TMEM120B: variants seen among roughly 807,000 people sequenced by gnomAD.
The protein encoded by TMEM120B is transmembrane protein 120B.
Under a neutral mutation model 55.5 loss-of-function variants are expected in TMEM120B, and 31 were observed. That is an observed-to-expected ratio of 0.56 (90% CI 0.42 to 0.75). TMEM120B has a LOEUF of 0.75. TMEM120B is among the 30% of genes least tolerant of loss of function. TMEM120B has a pLI of 0.00. For missense variants in TMEM120B, 399 were observed against 425.5 expected (o/e 0.94, Z 0.55); for synonymous variants, 203 against 176.3 (o/e 1.15, Z -1.20).
chr12:121,729,333 A>T (rs372076576), intron 1 of TMEM120B, among the ~76,000 whole-genome samples: 6 of 152,208 alleles, frequency 3.9e-5, no homozygotes, highest in African/African-American at 1.4e-4. Context: ...CTGATGTGCA[A>T]AGAGTAGCCA....
chr12:121,730,647 C>CA (rs71079088), intron 1 of TMEM120B, among the ~76,000 whole-genome samples: 17,329 of 94,308 alleles, frequency 0.18, 1,550 homozygotes, highest in East Asian at 0.31. Flanking sequence ...GAGACACAGT[C>CA]AAAAAAAAAA....
intron 6 of TMEM120B, among the ~76,000 whole-genome samples, chr12:121,767,222 G>A (rs929136206): frequency 1.7e-4 from 26 of 152,176 alleles, no homozygotes; most frequent in Non-Finnish European, 1.3e-4. Context: ...GTGCAGTGGT[G>A]CGATCTCGGC....
rs780997410 is a variant in TMEM120B, at chr12:121,775,687, C to G, written c.985C>G (p.Leu329Val). Residue 329 changes from leucine to valine, a missense_variant, in exon 12 of 12, where the codon CTC (leucine) becomes GTC (valine). Around this residue, in one of 3 missense-constraint regions of TMEM120B, gnomAD observed 260 missense variants for 303.9 expected, o/e 0.86. Transcript: ENST00000449592. This position sits in a 1 kb window ranked among gnomAD's most constrained non-coding sequence, Gnocchi z 4.3. The part of the protein sequence containing the change: ...LTTLKVVHAK[L>V]QKNRGKTKQP ...CACGCTCAAAGTCGTGCATGCCAAGCTCCAGAAGAACAGAGGCAAGACAAA... is the reference window on the plus strand; with the variant it reads ...CACGCTCAAAGTCGTGCATGCCAAGGTCCAGAAGAACAGAGGCAAGACAAA... The G allele has an allele frequency of 6.2e-7, 1 of 1,613,982 alleles. No homozygotes were observed. The highest frequency in any genetic ancestry group is 8.5e-7 in the Non-Finnish European group (1 of 1,180,002).
intron 5 of TMEM120B, among the ~76,000 whole-genome samples, chr12:121,761,441 A>C (rs1873673283): frequency 6.6e-6 from 1 of 152,176 alleles, no homozygotes; most frequent in African/African-American, 2.4e-5. Context: ...AGGGAGAAAG[A>C]TGAGGAGGTT....
At chr12:121,752,028 A>C (rs1873346533) in intron 4 of TMEM120B, 100 bp from the exon 5 acceptor site, 1 of 940,274 alleles carries the variant, frequency 1.1e-6, no homozygotes, top group East Asian at 2.4e-5. Flanking sequence ...GGGCCATGGC[A>C]GTGGCTGAAG....
At position 121,775,843 on chromosome 12, in the gene TMEM120B, G is replaced by C; in HGVS notation, c.*121G>C. On this transcript the variant is annotated 3_prime_UTR_variant, in exon 12 of 12. Transcript: ENST00000449592. The surrounding 1 kb of genome is among the most constrained non-coding windows in gnomAD (Gnocchi z 4.3). Reference sequence around the variant, plus strand: ...AGAGGGCCCAGGCCCTGGTCCCCCAGTGGACCCCAGTGGTCTAGAGGAATG... The same window carrying C: ...AGAGGGCCCAGGCCCTGGTCCCCCACTGGACCCCAGTGGTCTAGAGGAATG... The C allele has an allele frequency of 1.0e-6, 1 of 985,124 alleles. No homozygotes were observed. Among genetic ancestry groups the C allele is most frequent in the Non-Finnish European group, 1.6e-6 (1 of 640,514 alleles). The allele number at this position is 985,124 out of a possible 1,614,324, so 61.0% of individuals were successfully genotyped here.
At chr12:121,748,993 C>G (rs576999831) in intron 3 of TMEM120B, among the ~76,000 whole-genome samples, 1 of 152,324 alleles carries the variant, frequency 6.6e-6, no homozygotes, top group African/African-American at 2.4e-5. Flanking sequence ...CCACCTTGTT[C>G]TGGAGAGAGA....
At chr12:121,768,079 T>G (rs1294152709) in intron 6 of TMEM120B, among the ~76,000 whole-genome samples, 1 of 152,140 alleles carries the variant, frequency 6.6e-6, no homozygotes, top group Non-Finnish European at 1.5e-5. Flanking sequence ...CTGTCAGAAA[T>G]TTGGAGCCCA....
chr12:121,771,525 T>A lies in TMEM120B; in HGVS notation c.655T>A (p.Phe219Ile). The A allele has an allele frequency of 6.2e-7, 1 of 1,614,102 alleles. No homozygotes were observed. Among genetic ancestry groups the A allele is most frequent in the Non-Finnish European group, 8.5e-7 (1 of 1,180,010 alleles). Residue 219 changes from phenylalanine to isoleucine, a missense_variant, in exon 8 of 12, where the codon TTC becomes ATC. Around this residue, in one of 3 missense-constraint regions of TMEM120B, gnomAD observed 260 missense variants for 303.9 expected, o/e 0.86. Transcript: ENST00000449592. The stretch of plus-strand genomic sequence containing the variant: ...CATTTATCAGAAGTTTCGCAACCAG[T>A]TCTTAGCATTTTCCATTTTTCAGAG... ...GPIYQKFRNQ[F>I]LAFSIFQSCV...
intron 1 of TMEM120B, among the ~76,000 whole-genome samples, chr12:121,730,030 G>A (rs531940495): frequency 3.2e-4 from 48 of 152,208 alleles, no homozygotes; most frequent in African/African-American, 1.1e-3. Flanking sequence ...GGTGGCTGAG[G>A]TGGGCAGATC....
chr12:121,775,021 G>C lies in TMEM120B; in HGVS notation c.838-41G>C, dbSNP rs1282034865. On this transcript the variant is annotated intron_variant, in intron 10 of 11. Coordinates refer to ENST00000449592, the MANE Select transcript of TMEM120B (RefSeq NM_001080825.2). This position sits in a 1 kb window ranked among gnomAD's most constrained non-coding sequence, Gnocchi z 4.3. ...CCCTGGCTTTCTACGTGGCCGGCCAGGGGAGTCTGGTGGGTGAGCAGCGCC... is the reference window on the plus strand; with the variant it reads ...CCCTGGCTTTCTACGTGGCCGGCCACGGGAGTCTGGTGGGTGAGCAGCGCC... 6.2e-7 allele frequency: 1 copy of C among 1,610,982 alleles called. No individual in the cohort carries two copies. Among genetic ancestry groups the C allele is most frequent in the Admixed American group, 1.7e-5 (1 of 59,842 alleles).
chr12:121,740,664 G>A (rs1486459001), intron 1 of TMEM120B, among the ~76,000 whole-genome samples: 2 of 152,064 alleles, frequency 1.3e-5, no homozygotes, highest in Admixed American at 6.6e-5. Context: ...TTGCTGTCTC[G>A]GGGTGGCAGA....
At chr12:121,722,680 T>G (rs77857392) in intron 1 of TMEM120B, among the ~76,000 whole-genome samples, 3 of 152,072 alleles carry the variant, frequency 2.0e-5, no homozygotes, top group East Asian at 3.9e-4. Context: ...TAATGATACA[T>G]TGTATGTAGT....
rs1158515750 is a variant in TMEM120B, at chr12:121,752,282, GGA to G, written c.461+65_461+66del. Reference sequence around the variant, plus strand: ...GCATGCAGACGTCAGGTGGGGGCCGGGAGAGAGGGATCCAGGGGACCCGGAGC... The same window carrying G: ...GCATGCAGACGTCAGGTGGGGGCCGGGAGAGGGATCCAGGGGACCCGGAGC... On this transcript the variant is annotated intron_variant, in intron 5 of 11. Coordinates refer to ENST00000449592, the MANE Select transcript of TMEM120B (RefSeq NM_001080825.2). The G allele has an allele frequency of 4.1e-6, 6 of 1,450,070 alleles. No individual in the cohort carries two copies. The East Asian group carries it at 1.4e-4, about 33-fold the overall frequency. 89.8% of individuals were successfully genotyped at this position (1,450,070 alleles called of 1,614,324 possible).
At chr12:121,744,240 C>T (rs1399465740) in intron 2 of TMEM120B, among the ~76,000 whole-genome samples, 4 of 152,072 alleles carry the variant, frequency 2.6e-5, no homozygotes, top group Admixed American at 2.0e-4. Context: ...TTCTCGTTCC[C>T]AGTACTTCAG....
intron 5 of TMEM120B, among the ~76,000 whole-genome samples, chr12:121,759,685 CA>C (rs769305878): frequency 5.7e-4 from 86 of 151,054 alleles, no homozygotes; most frequent in Non-Finnish European, 9.6e-4. Context: ...GTCAAACAAA[CA>C]AAACGCTTTA....
In TMEM120B at chr12:121,757,358, T is replaced by C. The variant is rs549091799; in HGVS notation, c.462-4291T>C. On this transcript the variant is annotated intron_variant, in intron 5 of 11. Coordinates refer to ENST00000449592, the MANE Select transcript of TMEM120B (RefSeq NM_001080825.2). ...TTGTATTTTGTTTTGTTTTGTTTTT[T>C]TGAGACAGAGTCTCACTCTGTCTCC... 1.0e-3 allele frequency among the ~76,000 whole-genome samples: 159 copies of C among 151,904 alleles called. 2 individuals are homozygous for C. Among genetic ancestry groups the C allele is most frequent in the Admixed American group, 1.2e-3 (19 of 15,236 alleles).
intron 1 of TMEM120B, among the ~76,000 whole-genome samples, chr12:121,734,922 A>G (rs1895077743): frequency 6.7e-6 from 1 of 149,186 alleles, no homozygotes; most frequent in Non-Finnish European, 1.5e-5. Context: ...TCAAAAAAAG[A>G]AAAAAAAAAG....
chr12:121,722,833 A>G (rs1281797774), intron 1 of TMEM120B, among the ~76,000 whole-genome samples: 5 of 141,786 alleles, frequency 3.5e-5, no homozygotes, highest in African/African-American at 5.1e-5. Context: ...AGGTGTGGGC[A>G]GTTTTTTAAA....
Sources: gnomAD v4.1 joint callset for allele counts (sites outside exome capture counted in the v4.1 genomes callset) on GRCh38, gnomAD v4.1.1 for gene constraint, gnomAD v4.1.1 regional missense constraint, Gnocchi (gnomAD v3.1) non-coding constraint, MANE v1.5 for transcripts, NCBI Gene and HGNC (gene_info 2026-07-23, HGNC 2026-07-21) for gene names.